The following CNTN5 variants were observed in gnomAD, a reference collection of about 807,000 sequenced individuals.
The protein encoded by CNTN5 is contactin 5.
A neutral mutation model predicts 129.1 loss-of-function variants in CNTN5; 77 were observed. That is an observed-to-expected ratio of 0.60 (90% CI 0.50 to 0.72). CNTN5 has a LOEUF of 0.72. Among genes scored for constraint, CNTN5 ranks in the 30% least tolerant of loss-of-function variants. The pLI is 0.00. For synonymous variants in CNTN5, 509 were observed against 465.6 expected (o/e 1.09, Z -1.20); for missense variants, 1,478 against 1,328.8 (o/e 1.11, Z -1.75).
intron 2 of CNTN5, among the ~76,000 whole-genome samples, chr11:99,385,513 T>C (rs1324027592): frequency 2.0e-5 from 3 of 152,148 alleles, no homozygotes; most frequent in African/African-American, 7.2e-5. Context: ...GAAAAATAAA[T>C]GGTCCAGTGA....
At chr11:100,070,689 G>A in intron 11 of CNTN5, 129 bp downstream of exon 11, 1 of 714,718 alleles carries the variant, frequency 1.4e-6, no homozygotes, top group Non-Finnish European at 2.3e-6. Flanking sequence ...ACATGTTTGT[G>A]TTAAGGATGA....
At chr11:99,919,802 ATTTATTTTATTTTAT>A (rs145689745) in intron 7 of CNTN5, among the ~76,000 whole-genome samples, 99 of 147,664 alleles carry the variant, frequency 6.7e-4, no homozygotes, top group Admixed American at 1.1e-3. Context: ...TTTCTAGAAT[ATTTATTTTATTTTAT>A]TTTATTTTAT....
chr11:99,495,217 A>T (rs2135363967), intron 2 of CNTN5, among the ~76,000 whole-genome samples: 1 of 152,076 alleles, frequency 6.6e-6, no homozygotes, highest in African/African-American at 2.4e-5. Context: ...AAATACAAAA[A>T]ATTAGCCAGG....
intron 13 of CNTN5, among the ~76,000 whole-genome samples, chr11:100,109,244 G>A (rs995360395): frequency 5.3e-5 from 8 of 152,136 alleles, no homozygotes; most frequent in African/African-American, 1.9e-4. Flanking sequence ...TGGCCAACAT[G>A]GCGAAACCCT....
chr11:100,116,861 G>A (rs1031244750), intron 13 of CNTN5, among the ~76,000 whole-genome samples: 1 of 151,902 alleles, frequency 6.6e-6, no homozygotes, highest in African/African-American at 2.4e-5. Context: ...TTGGTATATA[G>A]CAAAGTGAAT....
chr11:99,067,050 T>G (rs1359227928), intron 1 of CNTN5, among the ~76,000 whole-genome samples: 1 of 152,156 alleles, frequency 6.6e-6, no homozygotes, highest in Non-Finnish European at 1.5e-5. Flanking sequence ...TTATTTTCCC[T>G]TTTCTATCAT....
At chr11:99,903,362 T>G (rs1440872428) in intron 6 of CNTN5, among the ~76,000 whole-genome samples, 1 of 151,830 alleles carries the variant, frequency 6.6e-6, no homozygotes, top group Non-Finnish European at 1.5e-5. Flanking sequence ...AACTAAAAAT[T>G]CAAAACAGTC....
chr11:100,313,129 G>C (rs998770853), intron 21 of CNTN5, among the ~76,000 whole-genome samples: 2 of 151,928 alleles, frequency 1.3e-5, no homozygotes, highest in Non-Finnish European at 2.9e-5. Flanking sequence ...GCAGTAGAAA[G>C]CCATTGAGAC....
intron 1 of CNTN5, among the ~76,000 whole-genome samples, chr11:99,184,973 TAAAG>T (rs56340129): frequency 0.22 from 33,118 of 151,570 alleles, 3,712 homozygotes; most frequent in Middle Eastern, 0.27. Context: ...TTCCAGATGA[TAAAG>T]AAACTTGAAC....
chr11:99,241,883 C>T (rs903628509), intron 1 of CNTN5, among the ~76,000 whole-genome samples: 1 of 152,066 alleles, frequency 6.6e-6, no homozygotes, highest in African/African-American at 2.4e-5. Flanking sequence ...CTTACATAGT[C>T]CTCCAATATA....
At chr11:100,276,488 C>CCA (rs10647780) in intron 18 of CNTN5, among the ~76,000 whole-genome samples, 1,636 of 141,978 alleles carry the variant, frequency 0.012, 34 homozygotes, top group African/African-American at 0.041. Flanking sequence ...AGACATTGCA[C>CCA]CACTGCACTC....
At chr11:99,027,719 G>T (rs1037368492) in intron 1 of CNTN5, among the ~76,000 whole-genome samples, 5 of 151,714 alleles carry the variant, frequency 3.3e-5, no homozygotes, top group Non-Finnish European at 7.4e-5. Context: ...GTGGAAGGCA[G>T]TTTAAATATT....
intron 1 of CNTN5, among the ~76,000 whole-genome samples, chr11:99,249,140 G>A (rs1037852395): frequency 1.1e-4 from 17 of 151,844 alleles, no homozygotes; most frequent in East Asian, 1.9e-4. Flanking sequence ...CTTTTATTTC[G>A]TTGAGCAGTG....
Position 100,297,611 on chromosome 11 carries a change from AT to A in CNTN5, c.2315-9del. ...GTTTTTTTCTCCTCACTCTCCACCCATTTTTATCCACAGTTCCGAAGACAGC... is the reference window on the plus strand; with the variant it reads ...GTTTTTTTCTCCTCACTCTCCACCCATTTTATCCACAGTTCCGAAGACAGC... On this transcript the variant is annotated splice_polypyrimidine_tract_variant and intron_variant, in intron 18 of 24. Coordinates refer to ENST00000524871, the MANE Select transcript of CNTN5 (RefSeq NM_014361.4). The A allele has an allele frequency of 6.2e-7, 1 of 1,600,814 alleles. No homozygotes were observed. Among genetic ancestry groups the A allele is most frequent in the African/African-American group, 1.3e-5 (1 of 74,456 alleles).
chr11:99,680,088 G>T (rs911439873), intron 3 of CNTN5, among the ~76,000 whole-genome samples: 3 of 152,048 alleles, frequency 2.0e-5, no homozygotes, highest in South Asian at 2.1e-4. Flanking sequence ...AAGGTTTAAA[G>T]AAAAAAGCCA....
At chr11:99,891,062 T>G (rs940175162) in intron 6 of CNTN5, among the ~76,000 whole-genome samples, 8 of 152,290 alleles carry the variant, frequency 5.3e-5, no homozygotes, top group African/African-American at 1.7e-4. Context: ...AACAATGTAA[T>G]ATGGTCTTCT....
intron 8 of CNTN5, among the ~76,000 whole-genome samples, chr11:99,961,271 C>T (rs1357523747): frequency 6.7e-6 from 1 of 149,668 alleles, no homozygotes; most frequent in African/African-American, 2.5e-5. Flanking sequence ...TAAGGGTTTC[C>T]ATAAGAAGTG....
chr11:99,177,037 A>G (rs1031850644), intron 1 of CNTN5, among the ~76,000 whole-genome samples: 1 of 152,196 alleles, frequency 6.6e-6, no homozygotes, highest in African/African-American at 2.4e-5. Context: ...GGTCTTGAAC[A>G]GGTCAAGGAC....
intron 7 of CNTN5, among the ~76,000 whole-genome samples, chr11:99,916,924 A>T (rs1949805675): frequency 6.6e-6 from 1 of 152,082 alleles, no homozygotes; most frequent in South Asian, 2.1e-4. Context: ...CTGGTAACAG[A>T]ATTGAAGGTC....
Sources: gnomAD v4.1 joint callset for allele counts (sites outside exome capture counted in the v4.1 genomes callset) on GRCh38, gnomAD v4.1.1 for gene constraint, MANE v1.5 for transcripts, NCBI Gene and HGNC (gene_info 2026-07-23, HGNC 2026-07-21) for gene names.